The following ARHGAP15 variants were observed in gnomAD, a reference collection of about 807,000 sequenced individuals.
ARHGAP15 encodes Rho GTPase activating protein 15.
A neutral mutation model predicts 63.7 loss-of-function variants in ARHGAP15; 51 were observed. That is an observed-to-expected ratio of 0.80 (90% CI 0.64 to 1.01). The LOEUF is 1.01. ARHGAP15 is among the 50% of genes least tolerant of loss of function. ARHGAP15 has a pLI of 0.00. For synonymous variants in ARHGAP15, 191 were observed against 193.8 expected, an observed-to-expected ratio of 0.99 and a Z score of 0.12; for missense variants, 560 against 564.6, an observed-to-expected ratio of 0.99 and a Z score of 0.08.
intron 13 of ARHGAP15, among the ~76,000 whole-genome samples, chr2:143,714,101 T>C (rs1017837853): frequency 6.6e-6 from 1 of 152,220 alleles, no homozygotes; most frequent in Admixed American, 6.5e-5. Flanking sequence ...AAGTTCTCCA[T>C]GAGGACCCTG....
chr2:143,152,861 G>A (rs142799369), intron 1 of ARHGAP15, among the ~76,000 whole-genome samples: 4 of 151,998 alleles, frequency 2.6e-5, no homozygotes, highest in African/African-American at 9.6e-5. Context: ...AGTGAGGGCT[G>A]GAGGAGAGAC....
intron 6 of ARHGAP15, among the ~76,000 whole-genome samples, chr2:143,284,327 A>C (rs1681992584): frequency 6.6e-6 from 1 of 152,204 alleles, no homozygotes; most frequent in Non-Finnish European, 1.5e-5. Context: ...TGCCAGATGC[A>C]ATTTTGCAAA....
chr2:143,693,522 T>C (rs1413876361), intron 12 of ARHGAP15, among the ~76,000 whole-genome samples: 2 of 152,212 alleles, frequency 1.3e-5, no homozygotes, highest in African/African-American at 4.8e-5. Flanking sequence ...TTCAGAAGAT[T>C]AGTTGTCTCA....
chr2:143,168,634 T>C (rs1690643684), intron 2 of ARHGAP15, among the ~76,000 whole-genome samples: 1 of 149,906 alleles, frequency 6.7e-6, no homozygotes, highest in Non-Finnish European at 1.5e-5. Context: ...ATCTAAGATT[T>C]AACTTTAATC....
intron 10 of ARHGAP15, among the ~76,000 whole-genome samples, chr2:143,543,973 T>C (rs910197155): frequency 6.6e-6 from 1 of 152,200 alleles, no homozygotes; most frequent in Non-Finnish European, 1.5e-5. Flanking sequence ...ATTGTGATCA[T>C]AGGAAGTCAG....
intron 13 of ARHGAP15, among the ~76,000 whole-genome samples, chr2:143,749,841 T>C (rs1288512697): frequency 6.6e-6 from 1 of 152,174 alleles, no homozygotes; most frequent in East Asian, 1.9e-4. Flanking sequence ...GATAAAACTC[T>C]AGAGAAGCAT....
intron 9 of ARHGAP15, among the ~76,000 whole-genome samples, chr2:143,503,546 G>A (rs992945461): frequency 2.0e-5 from 3 of 152,170 alleles, no homozygotes; most frequent in Admixed American, 1.3e-4. Flanking sequence ...AGCAAGTAGC[G>A]TAGCAAACAA....
chr2:143,738,521 G>C (rs558206412), intron 13 of ARHGAP15, among the ~76,000 whole-genome samples: 26 of 152,208 alleles, frequency 1.7e-4, no homozygotes, highest in African/African-American at 5.8e-4. Flanking sequence ...AACAACTTCC[G>C]GGCCTCTCTT....
intron 13 of ARHGAP15, among the ~76,000 whole-genome samples, chr2:143,717,796 G>A (rs148548076): frequency 5.3e-5 from 8 of 151,740 alleles, no homozygotes; most frequent in Non-Finnish European, 1.0e-4. Context: ...AGTTAGTCAA[G>A]GCTGTGCAGC....
rs552032974 is a variant in ARHGAP15, at chr2:143,466,028, T to C, written c.704-21345T>C. 2.1e-4 allele frequency among the ~76,000 whole-genome samples: 32 copies of C among 152,292 alleles called. No individual in the cohort carries two copies. In the South Asian group the frequency reaches 5.4e-3, roughly 26 times the overall value. On this transcript the variant is annotated intron_variant, in intron 8 of 13. Transcript: ENST00000295095. ...ATGGTTTACAATGGAGACTGACTTC[T>C]TTCTTTATTTCCCTGCATTCCAAAA... is the stretch of plus-strand genomic sequence containing the variant.
intron 10 of ARHGAP15, among the ~76,000 whole-genome samples, chr2:143,520,480 C>T (rs1694013887): frequency 6.6e-6 from 1 of 151,928 alleles, no homozygotes; most frequent in Admixed American, 6.6e-5. Flanking sequence ...AAGAGAATGA[C>T]TTTGGGGAAA....
intron 12 of ARHGAP15, among the ~76,000 whole-genome samples, chr2:143,650,138 C>T (rs1196443884): frequency 6.6e-6 from 1 of 151,620 alleles, no homozygotes; most frequent in African/African-American, 2.4e-5. Context: ...TGTTATCTAG[C>T]TATGGATCCT....
At chr2:143,419,237 G>A (rs1688810395) in intron 6 of ARHGAP15, among the ~76,000 whole-genome samples, 1 of 151,964 alleles carries the variant, frequency 6.6e-6, no homozygotes, top group Non-Finnish European at 1.5e-5. Context: ...AGTATATAAT[G>A]TGTTACTTCA....
chr2:143,223,237 G>T (rs1693068277), intron 4 of ARHGAP15, among the ~76,000 whole-genome samples: 1 of 152,162 alleles, frequency 6.6e-6, no homozygotes, highest in Admixed American at 6.5e-5. Flanking sequence ...GCCTCCCAAA[G>T]TGCTGGGATT....
At chr2:143,277,241 T>C (rs553856321) in intron 6 of ARHGAP15, among the ~76,000 whole-genome samples, 146 of 152,174 alleles carry the variant, frequency 9.6e-4, no homozygotes, top group Non-Finnish European at 1.8e-4. Flanking sequence ...TTATTTTTCA[T>C]TTGTTGCACA....
chr2:143,744,857 C>T (rs529416711), intron 13 of ARHGAP15, among the ~76,000 whole-genome samples: 3 of 152,202 alleles, frequency 2.0e-5, no homozygotes, highest in African/African-American at 4.8e-5. Context: ...AATGTACATC[C>T]GTTGGGAACT....
chr2:143,745,934 T>C (rs1159970177), intron 13 of ARHGAP15, among the ~76,000 whole-genome samples: 1 of 152,226 alleles, frequency 6.6e-6, no homozygotes, highest in East Asian at 1.9e-4. Flanking sequence ...TTCTGTTTCC[T>C]TGTTCAAGTT....
chr2:143,372,430 T>G (rs909842517), intron 6 of ARHGAP15, among the ~76,000 whole-genome samples: 12 of 149,896 alleles, frequency 8.0e-5, no homozygotes, highest in Non-Finnish European at 1.8e-4. Context: ...CTTAATCTAC[T>G]CATGTACATG....
chr2:143,650,300 A>G (rs1681096193), intron 12 of ARHGAP15, among the ~76,000 whole-genome samples: 1 of 151,922 alleles, frequency 6.6e-6, no homozygotes. Context: ...TTACCAAGAA[A>G]AGAGTGGGTT....
Sources: gnomAD v4.1 joint callset for allele counts (sites outside exome capture counted in the v4.1 genomes callset) on GRCh38, gnomAD v4.1.1 for gene constraint, MANE v1.5 for transcripts, NCBI Gene and HGNC (gene_info 2026-07-23, HGNC 2026-07-21) for gene names.